EHHADH: variants seen among roughly 807,000 people sequenced by gnomAD.
EHHADH encodes enoyl-CoA hydratase and 3-hydroxyacyl CoA dehydrogenase, also known as peroxisomal bifunctional enzyme.
A neutral mutation model predicts 64.4 loss-of-function variants in EHHADH; 48 were observed. The ratio of observed to expected loss-of-function variants is 0.75; its 90% CI spans 0.59 to 0.95. EHHADH has a LOEUF of 0.95. EHHADH is among the 40% of genes least tolerant of loss of function. The pLI is 0.00. For synonymous variants in EHHADH, 308 were observed against 326.7 expected (o/e 0.94, Z 0.62); for missense variants, 854 against 876.6 (o/e 0.97, Z 0.33).
chr3:185,216,934 G>A lies in EHHADH; in HGVS notation c.568+1202C>T, dbSNP rs773847305. Among the ~76,000 whole-genome samples, 3 of 152,138 alleles carry A rather than the reference G, an allele frequency of 2.0e-5. No individual in the cohort carries two copies. The highest frequency in any genetic ancestry group is 4.8e-5 in the African/African-American group (2 of 41,428). ...GTGAAACAAACAAAAAAACCTCTGT[G>A]AGTGCCACTGAAAGAACTCTGAAAG... On this transcript the variant is annotated intron_variant, in intron 5 of 6. Coordinates refer to ENST00000231887, the MANE Select transcript of EHHADH (RefSeq NM_001966.4). This position sits in a 1 kb window ranked among gnomAD's most constrained non-coding sequence, Gnocchi z 5.3.
chr3:185,199,905 C>T (rs915560958), intron 6 of EHHADH, among the ~76,000 whole-genome samples: 10 of 152,134 alleles, frequency 6.6e-5, no homozygotes, highest in South Asian at 2.1e-4. Flanking sequence ...CCACCATGCC[C>T]GGCTCTATGG....
intron 6 of EHHADH, among the ~76,000 whole-genome samples, chr3:185,198,377 C>A (rs1577354023): frequency 6.6e-6 from 1 of 151,666 alleles, no homozygotes; most frequent in Non-Finnish European, 1.5e-5. Flanking sequence ...TGCCACCATG[C>A]CTGGCTAATT....
intron 2 of EHHADH, among the ~76,000 whole-genome samples, chr3:185,237,965 C>A (rs1185675824): frequency 6.6e-6 from 1 of 152,154 alleles, no homozygotes; most frequent in Non-Finnish European, 1.5e-5. Flanking sequence ...CATGTGTTCC[C>A]ATTGTTTAGC....
chr3:185,248,559 A>G, intron 1 of EHHADH, 42 bp from the exon 2 acceptor site: 1 of 1,422,870 alleles, frequency 7.0e-7, no homozygotes, highest in Non-Finnish European at 9.8e-7. Flanking sequence ...AGTCAGAATT[A>G]AATTCCTACC....
intron 6 of EHHADH, among the ~76,000 whole-genome samples, chr3:185,194,766 A>T: frequency 7.6e-6 from 1 of 131,068 alleles, no homozygotes; most frequent in East Asian, 2.5e-4. Context: ...ACACTACTGC[A>T]CTCCAGCCTA....
rs934891574 is a variant in EHHADH, at chr3:185,200,935, T to C, written c.910+3481A>G. Among the ~76,000 whole-genome samples, 15 of 152,258 alleles carry C rather than the reference T, an allele frequency of 9.9e-5. 1 individual carries two copies. In the South Asian group the frequency reaches 2.9e-3, roughly 29 times the overall value. On this transcript the variant is annotated intron_variant, in intron 6 of 6. Transcript: ENST00000231887. Reference sequence around the variant, plus strand: ...AGCACAATGGAAGGGCAATGAATCATGGAGTTTGGAGACTTTGGCCCGAGA... The same window carrying C: ...AGCACAATGGAAGGGCAATGAATCACGGAGTTTGGAGACTTTGGCCCGAGA...
chr3:185,229,989 C>A (rs1719109131), intron 3 of EHHADH, among the ~76,000 whole-genome samples: 1 of 152,094 alleles, frequency 6.6e-6, no homozygotes, highest in African/African-American at 2.4e-5. Context: ...AAAAGACAAG[C>A]AACCTGTTAA....
intron 6 of EHHADH, 24 bp from the exon 7 acceptor site, chr3:185,193,511 A>G (rs1479923388): frequency 6.8e-6 from 11 of 1,608,934 alleles, no homozygotes; most frequent in Non-Finnish European, 9.3e-6. Context: ...TCAAAGGAGA[A>G]AAAGAATGAT....
rs1468436209 is a variant in EHHADH, at chr3:185,222,855, A to AT, written c.464-4616dup. Among the ~76,000 whole-genome samples, 7 of 152,296 alleles carry AT rather than the reference A, an allele frequency of 4.6e-5. No individual in the cohort carries two copies. The East Asian group carries it at 1.3e-3, about 29-fold the overall frequency. ...TCCTAGCATGTGAATATTCCACAGC[A>AT]TTTACTTGTGGCTGGTATAATTTTA... On this transcript the variant is annotated intron_variant, in intron 4 of 6. Coordinates refer to ENST00000231887, the MANE Select transcript of EHHADH (RefSeq NM_001966.4).
intron 4 of EHHADH, among the ~76,000 whole-genome samples, chr3:185,228,257 A>AATATATATAT (rs1235531098): frequency 0.012 from 256 of 21,912 alleles, 4 homozygotes; most frequent in Non-Finnish European, 0.015. Flanking sequence ...AAAAAAAAAA[A>AATATATATAT]ATATATATAT....
intron 6 of EHHADH, 72 bp from the exon 7 acceptor site, chr3:185,193,559 GGAAGGCTTATGT>G: frequency 6.5e-7 from 1 of 1,527,240 alleles, no homozygotes; most frequent in Non-Finnish European, 8.8e-7. Flanking sequence ...TTCACTGGAT[GGAAGGCTTATGT>G]GACAATGTGG....
intron 3 of EHHADH, among the ~76,000 whole-genome samples, chr3:185,233,172 C>T (rs761568025): frequency 1.2e-4 from 18 of 152,108 alleles, no homozygotes; most frequent in Non-Finnish European, 2.4e-4. Flanking sequence ...TTAAGCAGTA[C>T]ATAATGTATG....
intron 3 of EHHADH, among the ~76,000 whole-genome samples, chr3:185,230,645 G>A (rs963771975): frequency 7.6e-6 from 1 of 131,764 alleles, no homozygotes; most frequent in Non-Finnish European, 1.6e-5. Context: ...CCAGTCACAG[G>A]AGACCACATA....
intron 6 of EHHADH, among the ~76,000 whole-genome samples, chr3:185,197,799 TTTTG>T (rs796090736): frequency 5.9e-5 from 9 of 152,106 alleles, no homozygotes; most frequent in East Asian, 1.9e-4. Context: ...TCAATTCTTT[TTTTG>T]TTTGTTTGTT....
chr3:185,208,041 C>CT (rs1452470012), intron 5 of EHHADH, among the ~76,000 whole-genome samples: 2 of 152,360 alleles, frequency 1.3e-5, no homozygotes, highest in East Asian at 3.8e-4. Context: ...TAGACAGACT[C>CT]TAAGTAATGG....
intron 3 of EHHADH, among the ~76,000 whole-genome samples, chr3:185,231,593 A>C (rs1376995251): frequency 1.4e-4 from 13 of 92,952 alleles, no homozygotes; most frequent in African/African-American, 4.1e-4. Context: ...GCAAAACATG[A>C]TAAACAAAAA....
At chr3:185,215,133 A>T (rs1718647813) in intron 5 of EHHADH, among the ~76,000 whole-genome samples, 1 of 152,070 alleles carries the variant, frequency 6.6e-6, no homozygotes, top group Admixed American at 6.6e-5. Context: ...AATAAATTTT[A>T]AAAAGCATTT....
At chr3:185,194,834 C>T (rs1292982579) in intron 6 of EHHADH, among the ~76,000 whole-genome samples, 1 of 33,468 alleles carries the variant, frequency 3.0e-5, no homozygotes, top group Non-Finnish European at 9.0e-5. Flanking sequence ...AAAAAGAAGC[C>T]TATAGTATTT....
intron 1 of EHHADH, among the ~76,000 whole-genome samples, chr3:185,248,973 C>T (rs1703000381): frequency 6.6e-6 from 1 of 152,194 alleles, no homozygotes; most frequent in African/African-American, 2.4e-5. Context: ...GGTGAAATTA[C>T]TTTCAGTTTT....
Sources: gnomAD v4.1 joint callset for allele counts (sites outside exome capture counted in the v4.1 genomes callset) on GRCh38, gnomAD v4.1.1 for gene constraint, Gnocchi (gnomAD v3.1) non-coding constraint, MANE v1.5 for transcripts, NCBI Gene and HGNC (gene_info 2026-07-23, HGNC 2026-07-21) for gene names.